Variants in ELOVL7 observed in about 807,000 individuals in gnomAD.
ELOVL7 encodes very long chain fatty acid elongase 7.
Under a neutral mutation model 35.7 loss-of-function variants are expected in ELOVL7, and 27 were observed. The ratio of observed to expected loss-of-function variants is 0.76; its 90% CI spans 0.56 to 1.04. The LOEUF is 1.04. Among genes scored for constraint, ELOVL7 ranks in the 50% least tolerant of loss-of-function variants. The pLI is 0.00. For missense variants in ELOVL7, 327 were observed against 340.8 expected (o/e 0.96, Z 0.32); for synonymous variants, 113 against 114.6 (o/e 0.99, Z 0.09).
At chr5:60,771,026 T>C (rs1474319096) in intron 4 of ELOVL7, among the ~76,000 whole-genome samples, 1 of 152,184 alleles carries the variant, frequency 6.6e-6, no homozygotes. Flanking sequence ...AAGTGATCGA[T>C]ATGATGGATC....
In ELOVL7 at chr5:60,754,241, T is replaced by A. The variant is rs1203336061; in HGVS notation, c.*383A>T. The A allele has an allele frequency of 1.1e-5, 2 of 185,634 alleles. No individual in the cohort carries two copies. Among genetic ancestry groups the A allele is most frequent in the Non-Finnish European group, 2.3e-5 (2 of 88,042 alleles). 11.5% of individuals were successfully genotyped at this position (185,634 alleles called of 1,614,324 possible). On this transcript the variant is annotated 3_prime_UTR_variant, in exon 9 of 9. Coordinates refer to ENST00000508821, the MANE Select transcript of ELOVL7 (RefSeq NM_024930.3). ...CAGACCCAGCAGAAGGAATCTATTTTATCACATGGATCTCCGTCTGTGCTC... is the reference window on the plus strand; with the variant it reads ...CAGACCCAGCAGAAGGAATCTATTTAATCACATGGATCTCCGTCTGTGCTC...
chr5:60,757,359 A>T, intron 8 of ELOVL7, 150 bp downstream of exon 8: 1 of 641,388 alleles, frequency 1.6e-6, no homozygotes, highest in Non-Finnish European at 2.5e-6. Context: ...CTAACATATT[A>T]AGAACCATGA....
rs544573200 is a variant in ELOVL7 at position 60,754,892 on chromosome 5, C to T, written c.637-59G>A. 6 of 1,449,622 alleles carry T rather than the reference C, an allele frequency of 4.1e-6. No homozygotes were observed. In the Admixed American group the frequency reaches 7.2e-5, roughly 18 times the overall value. The allele number at this position is 1,449,622 out of a possible 1,614,324, so 89.8% of individuals were successfully genotyped here. A position where few individuals can be genotyped will look rare whatever the true frequency, so the allele number is the denominator to read the frequency against. On this transcript the variant is annotated intron_variant, in intron 8 of 8. Transcript: ENST00000508821. ...GATATGAAGAGTTAACAATTCTTTA[C>T]CTACCTATGTTTATGCACTCCCAAA...
chr5:60,829,854 T>G (rs1478342071), intron 1 of ELOVL7, among the ~76,000 whole-genome samples: 2 of 152,262 alleles, frequency 1.3e-5, no homozygotes, highest in African/African-American at 4.8e-5. Flanking sequence ...GAGTGGCTAC[T>G]GATATATAGT....
At chr5:60,823,842 T>G (rs1024195377) in intron 1 of ELOVL7, among the ~76,000 whole-genome samples, 3 of 152,198 alleles carry the variant, frequency 2.0e-5, no homozygotes, top group African/African-American at 7.2e-5. Context: ...GCTCCAGGAT[T>G]TTTTTAAGTT....
chr5:60,819,938 T>C (rs763205383), intron 1 of ELOVL7, among the ~76,000 whole-genome samples: 2 of 152,158 alleles, frequency 1.3e-5, no homozygotes, highest in African/African-American at 2.4e-5. Context: ...GTATAGACCT[T>C]AAAATAGGGA....
chr5:60,803,021 C>T (rs1744733147), intron 1 of ELOVL7, among the ~76,000 whole-genome samples: 1 of 152,158 alleles, frequency 6.6e-6, no homozygotes, highest in Non-Finnish European at 1.5e-5. Context: ...TTATTTAGAG[C>T]AGTGAAAGGG....
At chr5:60,789,766 AT>A (rs1294683792) in intron 2 of ELOVL7, among the ~76,000 whole-genome samples, 1 of 152,232 alleles carries the variant, frequency 6.6e-6, no homozygotes, top group African/African-American at 2.4e-5. Flanking sequence ...ACCATGAAAT[AT>A]TATGACATTG....
At chr5:60,789,653 CAT>C (rs1404311021) in intron 2 of ELOVL7, among the ~76,000 whole-genome samples, 2 of 152,232 alleles carry the variant, frequency 1.3e-5, no homozygotes, top group East Asian at 3.9e-4. Context: ...TTCAGAAGGG[CAT>C]ATATGCAAGT....
intron 1 of ELOVL7, among the ~76,000 whole-genome samples, chr5:60,813,939 T>C (rs1445487308): frequency 1.3e-5 from 2 of 152,136 alleles, no homozygotes; most frequent in African/African-American, 4.8e-5. Context: ...ATGTATGAGA[T>C]TTGTAAGAAC....
intron 1 of ELOVL7, 71 bp downstream of exon 1, chr5:60,844,088 TC>T: frequency 6.6e-6 from 1 of 152,226 alleles, no homozygotes; most frequent in Non-Finnish European, 1.5e-5. Flanking sequence ...TCTGCCTCCC[TC>T]CCCAGTCTCT....
At chr5:60,836,837 A>C (rs1025695696) in intron 1 of ELOVL7, among the ~76,000 whole-genome samples, 1 of 151,940 alleles carries the variant, frequency 6.6e-6, no homozygotes, top group Non-Finnish European at 1.5e-5. Context: ...CGTTTCTACC[A>C]TTGACACTAA....
At chr5:60,825,220 C>A (rs1182881021) in intron 1 of ELOVL7, among the ~76,000 whole-genome samples, 1 of 152,124 alleles carries the variant, frequency 6.6e-6, no homozygotes, top group Non-Finnish European at 1.5e-5. Context: ...CTGCATTGAT[C>A]CCCTTGTCCT....
At chr5:60,812,627 G>A (rs1029540124) in intron 1 of ELOVL7, among the ~76,000 whole-genome samples, 2 of 152,210 alleles carry the variant, frequency 1.3e-5, no homozygotes, top group African/African-American at 4.8e-5. Context: ...TGGAAGGTGT[G>A]ACTCTTCTCA....
At chr5:60,802,617 G>A (rs1021550398) in intron 1 of ELOVL7, 1 of 152,186 alleles carries the variant, frequency 6.6e-6, no homozygotes, top group African/African-American at 2.4e-5. Context: ...TATCCAGGAT[G>A]TAAACTAACC....
chr5:60,754,521 C>T lies in ELOVL7; in HGVS notation c.*103G>A. ...CAATAACTTACCATAAAAATACAAG[C>T]TCTTAGTTTTGAAAAATATACAAAA... On this transcript the variant is annotated 3_prime_UTR_variant, in exon 9 of 9. Transcript: ENST00000508821. 1 of 1,019,146 alleles carries T rather than the reference C, an allele frequency of 9.8e-7. No individual in the cohort carries two copies. The highest frequency in any genetic ancestry group is 1.6e-5 in the African/African-American group (1 of 61,548). 63.1% of individuals were successfully genotyped at this position (1,019,146 alleles called of 1,614,324 possible).
At chr5:60,787,292 A>G (rs997488963) in intron 3 of ELOVL7, 42 bp downstream of exon 3, 3 of 1,503,486 alleles carry the variant, frequency 2.0e-6, no homozygotes, top group Non-Finnish European at 2.7e-6. Context: ...ATCTGACATA[A>G]AAAGGAAGGA....
chr5:60,821,670 C>T (rs1376526199), intron 1 of ELOVL7, among the ~76,000 whole-genome samples: 1 of 152,268 alleles, frequency 6.6e-6, no homozygotes, highest in Non-Finnish European at 1.5e-5. Flanking sequence ...CTATAGCAAA[C>T]ACTCTAGGAC....
intron 1 of ELOVL7, among the ~76,000 whole-genome samples, chr5:60,828,530 T>C (rs980959047): frequency 8.5e-5 from 13 of 152,186 alleles, no homozygotes; most frequent in Admixed American, 2.6e-4. Context: ...TAGAACCTTA[T>C]GGAAACATGT....
Sources: gnomAD v4.1 joint callset for allele counts (sites outside exome capture counted in the v4.1 genomes callset) on GRCh38, gnomAD v4.1.1 for gene constraint, MANE v1.5 for transcripts, NCBI Gene and HGNC (gene_info 2026-07-23, HGNC 2026-07-21) for gene names.